Variants in WDFY2 observed in about 807,000 individuals in gnomAD.
The protein encoded by WDFY2 is WD repeat and FYVE domain-containing protein 2.
WDFY2 carries 36 observed loss-of-function variants against 56.4 expected under a neutral mutation model. The observed-to-expected ratio is 0.64, with a 90% CI of 0.49 to 0.84. The LOEUF (loss-of-function observed/expected upper bound fraction) is 0.84, where lower values mean the gene tolerates loss of function less well. Ranked by LOEUF, WDFY2 falls within the 40% of genes least tolerant of loss-of-function variation. The probability of loss-of-function intolerance (pLI) is 0.00; values close to 1 mark genes in which losing one functional copy is unlikely to be tolerated. For synonymous variants in WDFY2, 176 were observed against 183.7 expected, an observed-to-expected ratio of 0.96 and a Z score of 0.34; for missense variants, 444 against 512.2, an observed-to-expected ratio of 0.87 and a Z score of 1.29.
chr13:51,738,543 G>A (rs1270085764), intron 6 of WDFY2, among the ~76,000 whole-genome samples: 2 of 152,166 alleles, frequency 1.3e-5, no homozygotes, highest in African/African-American at 4.8e-5. Flanking sequence ...TAAGAAGTTT[G>A]CCCGGAATCT....
At chr13:51,654,606 T>C (rs1333198787) in intron 1 of WDFY2, among the ~76,000 whole-genome samples, 1 of 152,240 alleles carries the variant, frequency 6.6e-6, no homozygotes, top group Non-Finnish European at 1.5e-5. Context: ...CTCGTAACCA[T>C]AGTTGTCATT....
At chr13:51,627,068 A>G (rs1444050589) in intron 1 of WDFY2, among the ~76,000 whole-genome samples, 1 of 152,266 alleles carries the variant, frequency 6.6e-6, no homozygotes, top group Non-Finnish European at 1.5e-5. Context: ...TGCCGGCTCC[A>G]TGCCAGCCTG....
intron 1 of WDFY2, among the ~76,000 whole-genome samples, chr13:51,634,975 G>A (rs183267194): frequency 1.3e-5 from 2 of 152,178 alleles, no homozygotes; most frequent in East Asian, 3.9e-4. Flanking sequence ...GTCTCTCTCT[G>A]TTGCCCAGGC....
At chr13:51,737,041 A>G (rs527940647) in intron 6 of WDFY2, among the ~76,000 whole-genome samples, 1 of 152,300 alleles carries the variant, frequency 6.6e-6, no homozygotes, top group East Asian at 1.9e-4. Flanking sequence ...TTCACGTGTT[A>G]TATAGGGGAA....
At position 51,719,266 on chromosome 13, in the gene WDFY2, G is replaced by A. The variant is rs1952434715; in HGVS notation, c.403G>A (p.Asp135Asn). Residue 135 changes from aspartate to asparagine, a missense_variant, in exon 5 of 12, where the codon GAC becomes AAC. Coordinates refer to ENST00000298125, the MANE Select transcript of WDFY2 (RefSeq NM_052950.4). The part of the protein sequence containing the change: ...ELEWVLSTGQ[D>N]KQFAWHCSES... ...GGAGTGGGTGCTGAGCACAGGACAG[G>A]ACAAGCAATTTGCCTGGCACTGCTC... 3 of 1,614,082 alleles carry A rather than the reference G, an allele frequency of 1.9e-6. No homozygotes were observed. The South Asian group carries it at 3.3e-5, about 18-fold the overall frequency.
At chr13:51,743,911 A>T (rs1284766087) in intron 7 of WDFY2, among the ~76,000 whole-genome samples, 3 of 152,214 alleles carry the variant, frequency 2.0e-5, no homozygotes, top group Non-Finnish European at 4.4e-5. Flanking sequence ...GGGTTTAGGA[A>T]ATACAAGTGG....
At chr13:51,719,913 C>T (rs772514802) in intron 5 of WDFY2, among the ~76,000 whole-genome samples, 1 of 152,134 alleles carries the variant, frequency 6.6e-6, no homozygotes, top group Non-Finnish European at 1.5e-5. Flanking sequence ...TTTTGTCCCC[C>T]TGATTGCCAG....
intron 1 of WDFY2, among the ~76,000 whole-genome samples, chr13:51,657,644 ATTCTTTT>A (rs1306957652): frequency 6.6e-6 from 1 of 152,010 alleles, no homozygotes; most frequent in Non-Finnish European, 1.5e-5. Flanking sequence ...GTTATTCTTT[ATTCTTTT>A]TTCTTTCTTC....
At chr13:51,724,321 TC>T (rs1952558179) in intron 5 of WDFY2, among the ~76,000 whole-genome samples, 2 of 138,328 alleles carry the variant, frequency 1.4e-5, no homozygotes, top group African/African-American at 5.4e-5. Context: ...CACTGCAACC[TC>T]TGCCTCCTGG....
chr13:51,672,583 A>G (rs1313960253), intron 2 of WDFY2, among the ~76,000 whole-genome samples: 1 of 152,088 alleles, frequency 6.6e-6, no homozygotes, highest in Non-Finnish European at 1.5e-5. Flanking sequence ...TTCTATGAAG[A>G]ATGATGGTGC....
At chr13:51,650,675 G>A (rs1011607129) in intron 1 of WDFY2, among the ~76,000 whole-genome samples, 22 of 152,200 alleles carry the variant, frequency 1.4e-4, no homozygotes, top group African/African-American at 4.8e-4. Context: ...AGATAATCAT[G>A]TGGTTTTTAT....
At chr13:51,697,004 A>G (rs1427653047) in intron 3 of WDFY2, among the ~76,000 whole-genome samples, 1 of 152,194 alleles carries the variant, frequency 6.6e-6, no homozygotes, top group Admixed American at 6.5e-5. Flanking sequence ...TGTGGATAGA[A>G]AAGTCATGAA....
At chr13:51,697,384 C>T (rs1045236651) in intron 3 of WDFY2, among the ~76,000 whole-genome samples, 1 of 152,098 alleles carries the variant, frequency 6.6e-6, no homozygotes, top group Non-Finnish European at 1.5e-5. Flanking sequence ...ATAATCCCAG[C>T]ACTTTCGGAA....
rs1953897091 is a variant in WDFY2 at position 51,584,571 on chromosome 13, G to A, written c.-117G>A. On this transcript the variant is annotated 5_prime_UTR_variant, in exon 1 of 12. Coordinates refer to ENST00000298125, the MANE Select transcript of WDFY2 (RefSeq NM_052950.4). ...CAGGCTATGCTCGCCGGTTTCCGGC[G>A]TTCCGCTCCGGCCAGCCAGAGTCTC... The A allele has an allele frequency of 7.3e-7, 1 of 1,371,950 alleles. No homozygotes were observed. The highest frequency in any genetic ancestry group is 9.6e-7 in the Non-Finnish European group (1 of 1,043,546). The allele number at this position is 1,371,950 out of a possible 1,614,324, so 85.0% of individuals were successfully genotyped here. A position where few individuals can be genotyped will look rare whatever the true frequency, so the allele number is the denominator to read the frequency against.
chr13:51,729,999 C>A (rs1422332991), intron 6 of WDFY2, among the ~76,000 whole-genome samples: 1 of 152,176 alleles, frequency 6.6e-6, no homozygotes, highest in Non-Finnish European at 1.5e-5. Context: ...CTCGGCCCCC[C>A]AGTCCCTGGA....
chr13:51,586,173 A>G, intron 1 of WDFY2: 1 of 397,874 alleles, frequency 2.5e-6, no homozygotes, highest in East Asian at 3.6e-5. Context: ...TTTTCCATAA[A>G]GGCAAAATTT....
chr13:51,670,330 A>C (rs1955783874), intron 2 of WDFY2, among the ~76,000 whole-genome samples: 1 of 152,160 alleles, frequency 6.6e-6, no homozygotes, highest in South Asian at 2.1e-4. Flanking sequence ...GAAAAGGAAG[A>C]CTTTACTGTA....
At chr13:51,630,548 G>T (rs550448439) in intron 1 of WDFY2, among the ~76,000 whole-genome samples, 3 of 150,528 alleles carry the variant, frequency 2.0e-5, no homozygotes, top group Admixed American at 6.6e-5. Flanking sequence ...ACAACTATAC[G>T]TGTGGCACTT....
At chr13:51,742,411 G>T (rs1163713475) in intron 7 of WDFY2, among the ~76,000 whole-genome samples, 2 of 151,908 alleles carry the variant, frequency 1.3e-5, no homozygotes, top group East Asian at 3.9e-4. Context: ...GTGATTGTAT[G>T]CTGTGCTAGC....
Sources: allele counts gnomAD v4.1 joint callset (sites outside exome capture counted in the v4.1 genomes callset), GRCh38; gene constraint gnomAD v4.1.1; transcripts MANE v1.5; gene names NCBI Gene and HGNC (gene_info 2026-07-23, HGNC 2026-07-21).